The following LRP1B variants were observed in gnomAD, a reference collection of about 807,000 sequenced individuals.
The protein encoded by LRP1B is low-density lipoprotein receptor-related protein 1B.
A neutral mutation model predicts 556.6 loss-of-function variants in LRP1B; 217 were observed. The ratio of observed to expected loss-of-function variants is 0.39; its 90% CI spans 0.35 to 0.44. The LOEUF (loss-of-function observed/expected upper bound fraction) is 0.44, where lower values mean the gene tolerates loss of function less well. Among genes scored for constraint, LRP1B ranks in the 20% least tolerant of loss-of-function variants. LRP1B has a pLI of 1.00. For synonymous variants in LRP1B, 2,047 were observed against 1,865.8 expected (o/e 1.10, Z -2.50); for missense variants, 5,053 against 5,620.8 (o/e 0.90, Z 3.23).
chr2:141,673,279 C>A (rs964121899), intron 2 of LRP1B, among the ~76,000 whole-genome samples: 6 of 152,162 alleles, frequency 3.9e-5, no homozygotes, highest in African/African-American at 1.2e-4. Context: ...ACCTTTACTG[C>A]AATGTTGAAT....
intron 31 of LRP1B, among the ~76,000 whole-genome samples, chr2:140,835,381 C>T (rs1691863756): frequency 6.6e-6 from 1 of 152,164 alleles, no homozygotes; most frequent in African/African-American, 2.4e-5. Context: ...TTTTTGAGGG[C>T]TGCCACCTGT....
intron 2 of LRP1B, among the ~76,000 whole-genome samples, chr2:141,510,754 G>A (rs780535467): frequency 4.6e-5 from 7 of 151,790 alleles, no homozygotes; most frequent in Non-Finnish European, 1.0e-4. Flanking sequence ...TGCCTGCTCA[G>A]TTACTGATTT....
At chr2:141,896,639 T>A (rs1699460326) in intron 1 of LRP1B, among the ~76,000 whole-genome samples, 1 of 152,158 alleles carries the variant, frequency 6.6e-6, no homozygotes, top group African/African-American at 2.4e-5. Flanking sequence ...CAATCACAAA[T>A]GCAAACAAAA....
At chr2:140,878,478 T>G (rs1693376339) in intron 25 of LRP1B, among the ~76,000 whole-genome samples, 1 of 152,122 alleles carries the variant, frequency 6.6e-6, no homozygotes, top group Non-Finnish European at 1.5e-5. Flanking sequence ...GATAGGCTAT[T>G]TAAATAGTAA....
chr2:140,625,880 C>A (rs1248901161), intron 41 of LRP1B, among the ~76,000 whole-genome samples: 2 of 152,076 alleles, frequency 1.3e-5, no homozygotes, highest in Non-Finnish European at 2.9e-5. Flanking sequence ...CTATTATTAC[C>A]CATAGGAGTT....
At chr2:140,653,544 G>C (rs1684762977) in intron 41 of LRP1B, among the ~76,000 whole-genome samples, 1 of 151,886 alleles carries the variant, frequency 6.6e-6, no homozygotes, top group African/African-American at 2.4e-5. Context: ...AATTAAATAT[G>C]GTGATATGGT....
chr2:140,946,478 T>C (rs1695551130), intron 20 of LRP1B, among the ~76,000 whole-genome samples: 1 of 151,936 alleles, frequency 6.6e-6, no homozygotes, highest in South Asian at 2.1e-4. Flanking sequence ...CTCACACCTG[T>C]AGTCCCAAGC....
At chr2:140,748,158 A>C (rs1688391076) in intron 35 of LRP1B, among the ~76,000 whole-genome samples, 1 of 137,128 alleles carries the variant, frequency 7.3e-6, no homozygotes, top group South Asian at 2.2e-4. Flanking sequence ...ATGTGTGTAT[A>C]TATTCATATA....
intron 3 of LRP1B, among the ~76,000 whole-genome samples, chr2:141,331,718 T>C (rs191656235): frequency 9.9e-4 from 150 of 152,260 alleles, no homozygotes; most frequent in African/African-American, 3.6e-3. Flanking sequence ...TTCTTTGTAC[T>C]GTACTGTAAT....
chr2:141,010,776 G>A (rs1403544032), intron 14 of LRP1B, among the ~76,000 whole-genome samples: 8 of 151,850 alleles, frequency 5.3e-5, no homozygotes, highest in South Asian at 2.1e-4. Context: ...TCAGCCTGCC[G>A]AAGTGCTGGG....
chr2:140,241,213 A>G (rs1397627412), intron 87 of LRP1B, among the ~76,000 whole-genome samples: 1 of 150,816 alleles, frequency 6.6e-6, no homozygotes. Context: ...AGCAGCTGTA[A>G]TTTATTAGCA....
At chr2:141,674,928 G>A (rs1480687651) in intron 2 of LRP1B, among the ~76,000 whole-genome samples, 5 of 151,980 alleles carry the variant, frequency 3.3e-5, no homozygotes, top group Non-Finnish European at 7.4e-5. Flanking sequence ...ATCTATGTTA[G>A]TGTCCTCAAA....
intron 86 of LRP1B, among the ~76,000 whole-genome samples, chr2:140,263,810 T>TTC (rs1348010874): frequency 1.3e-5 from 2 of 151,310 alleles, no homozygotes; most frequent in African/African-American, 4.9e-5. Flanking sequence ...TGAGGCCTTT[T>TTC]TTTTTTTTCA....
chr2:141,148,403 TA>T (rs1420509255), intron 7 of LRP1B, among the ~76,000 whole-genome samples: 1 of 152,174 alleles, frequency 6.6e-6, no homozygotes, highest in African/African-American at 2.4e-5. Flanking sequence ...CCTGGGGAAT[TA>T]ATCTACAGGA....
chr2:140,982,230 G>T lies in LRP1B; in HGVS notation c.2817C>A (p.Cys939Ter), dbSNP rs1188081313. The T allele has an allele frequency of 6.2e-7, 1 of 1,613,352 alleles. No individual in the cohort carries two copies. Residue 939 changes from cysteine (C) to a stop codon, truncating the protein, a stop_gained, in exon 18 of 91, where the codon TGC becomes TGA. Transcript: ENST00000389484. LOFTEE classifies it high-confidence loss of function. ...VDQFSCGNGR[C>*]IPRAWLCDRE... is the part of the protein sequence containing the mutation. ...TGTCACACAGCCATGCTCTGGGAAT[G>T]CAACGCCCATTTCCGCAAGAAAACT...
intron 3 of LRP1B, among the ~76,000 whole-genome samples, chr2:141,408,431 A>C (rs1355783714): frequency 1.3e-5 from 2 of 152,166 alleles, no homozygotes; most frequent in Admixed American, 6.6e-5. Flanking sequence ...GGCGTGAGCC[A>C]CCACACCTGG....
intron 32 of LRP1B, among the ~76,000 whole-genome samples, chr2:140,785,617 T>C (rs1689867976): frequency 6.6e-6 from 1 of 152,084 alleles, no homozygotes; most frequent in South Asian, 2.1e-4. Context: ...TGGGAAGTAT[T>C]CTCACTTACG....
intron 56 of LRP1B, among the ~76,000 whole-genome samples, chr2:140,494,186 C>G (rs1164774282): frequency 1.3e-5 from 2 of 152,062 alleles, no homozygotes; most frequent in Admixed American, 6.6e-5. Context: ...TAATAATAAA[C>G]AACTATGGTG....
intron 39 of LRP1B, 84 bp from the exon 40 acceptor site, chr2:140,701,929 G>T (rs1412916368): frequency 2.6e-6 from 4 of 1,540,438 alleles, no homozygotes; most frequent in Non-Finnish European, 3.6e-6. Context: ...ATAACAGATG[G>T]ACCAACAGAA....
Sources: gnomAD v4.1 joint callset for allele counts (sites outside exome capture counted in the v4.1 genomes callset) on GRCh38, gnomAD v4.1.1 for gene constraint, MANE v1.5 for transcripts, NCBI Gene and HGNC (gene_info 2026-07-23, HGNC 2026-07-21) for gene names.